PPP2R2B: variants seen among roughly 807,000 people sequenced by gnomAD.
The protein encoded by PPP2R2B is serine/threonine-protein phosphatase 2A 55 kDa regulatory subunit B beta isoform.
In PPP2R2B, 5 loss-of-function variants were observed where a neutral mutation model predicts 46.0. That is an observed-to-expected ratio of 0.11 (90% CI 0.06 to 0.23). The LOEUF (loss-of-function observed/expected upper bound fraction) is 0.23, where lower values mean the gene tolerates loss of function less well. Among genes scored for constraint, PPP2R2B ranks in the 10% least tolerant of loss-of-function variants. The pLI is 1.00. For missense variants in PPP2R2B, 367 were observed against 575.0 expected, an observed-to-expected ratio of 0.64 and a Z score of 3.70; for synonymous variants, 215 against 206.7, an observed-to-expected ratio of 1.04 and a Z score of -0.34.
chr5:146,652,832 G>T (rs1033814402), intron 5 of PPP2R2B, among the ~76,000 whole-genome samples: 8 of 152,114 alleles, frequency 5.3e-5, no homozygotes, highest in Admixed American at 5.2e-4. Flanking sequence ...CAATGATTGT[G>T]ATATAATCAA....
intron 7 of PPP2R2B, among the ~76,000 whole-genome samples, chr5:146,615,515 T>TAAAAAAAAAAAAAAAAAA (rs1364774106): frequency 7.3e-4 from 52 of 70,880 alleles, no homozygotes; most frequent in South Asian, 1.4e-3. Flanking sequence ...AAAAAAAAAT[T>TAAAAAAAAAAAAAAAAAA]AAAAAAAAAA....
chr5:147,063,076 G>A (rs1455064220), intron 2 of PPP2R2B, among the ~76,000 whole-genome samples: 2 of 138,630 alleles, frequency 1.4e-5, no homozygotes, highest in Admixed American at 7.0e-5. Flanking sequence ...AGAAGGGAAA[G>A]GAAGGGAAGG....
At chr5:146,606,121 T>C (rs1396773361) in intron 7 of PPP2R2B, among the ~76,000 whole-genome samples, 4 of 152,140 alleles carry the variant, frequency 2.6e-5, no homozygotes, top group South Asian at 4.2e-4. Context: ...TGAAACAGCA[T>C]TCATTACAAC....
intron 1 of PPP2R2B, among the ~76,000 whole-genome samples, chr5:146,932,801 G>T (rs1764010869): frequency 6.6e-6 from 1 of 152,072 alleles, no homozygotes; most frequent in South Asian, 2.1e-4. Context: ...GATAAACAAG[G>T]TCAAAGAGCA....
intron 1 of PPP2R2B, among the ~76,000 whole-genome samples, chr5:146,912,578 A>G (rs1763228835): frequency 6.7e-6 from 1 of 150,330 alleles, no homozygotes; most frequent in South Asian, 2.1e-4. Flanking sequence ...CAGTGGCACG[A>G]TCTCGGCTCA....
rs559498297 is a variant in PPP2R2B at position 146,706,457 on chromosome 5, G to T, written c.71-5315C>A. On this transcript the variant is annotated intron_variant, in intron 2 of 9. Coordinates refer to ENST00000394411, the MANE Select transcript of PPP2R2B (RefSeq NM_181675.4). ...CTCCATCTTCCAGCAGCTTCCTGTA[G>T]GTGGCGATCTCGATGTCCAGGGTCA... The T allele has an allele frequency of 1.8e-4, 197 of 1,101,498 alleles. 1 individual carries two copies. In the Middle Eastern group the frequency reaches 3.2e-3, roughly 18 times the overall value. The allele number at this position is 1,101,498 out of a possible 1,614,324, so 68.2% of individuals were successfully genotyped here. A position where few individuals can be genotyped will look rare whatever the true frequency, so the allele number is the denominator to read the frequency against.
intron 2 of PPP2R2B, among the ~76,000 whole-genome samples, chr5:146,750,296 T>C (rs1561877816): frequency 6.6e-6 from 1 of 152,248 alleles, no homozygotes; most frequent in African/African-American, 2.4e-5. Context: ...TGGTTTTCCA[T>C]ATACATTTTA....
chr5:146,877,423 G>A (rs1230542516), intron 2 of PPP2R2B, among the ~76,000 whole-genome samples: 1 of 152,140 alleles, frequency 6.6e-6, no homozygotes, highest in Admixed American at 6.5e-5. Context: ...TTCGCTGCCC[G>A]CCAGAGCACT....
chr5:147,020,074 C>A (rs1266747203), intron 1 of PPP2R2B, among the ~76,000 whole-genome samples: 1 of 152,174 alleles, frequency 6.6e-6, no homozygotes, highest in Non-Finnish European at 1.5e-5. Flanking sequence ...CCCAATCTTT[C>A]TTCGTCCACC....
rs201148779 is a variant in PPP2R2B, at chr5:146,735,577, GA to G, written c.71-34436del. On this transcript the variant is annotated intron_variant, in intron 2 of 9. Transcript: ENST00000394411. ...TTTTATATGATTAAATTGGATGGGGGAAAAAAAGAGTCTCACACTCAGGTAT... is the reference window on the plus strand; with the variant it reads ...TTTTATATGATTAAATTGGATGGGGGAAAAAAGAGTCTCACACTCAGGTAT... 6.0e-3 allele frequency among the ~76,000 whole-genome samples: 915 copies of G among 152,098 alleles called. 9 individuals carry two copies. Among genetic ancestry groups the G allele is most frequent in the African/African-American group, 0.02 (835 of 41,494 alleles).
chr5:146,647,585 C>CTA (rs1300523908), intron 6 of PPP2R2B, among the ~76,000 whole-genome samples: 1 of 152,192 alleles, frequency 6.6e-6, no homozygotes, highest in African/African-American at 2.4e-5. Flanking sequence ...GGCAGTCTGT[C>CTA]ACACATCTGC....
chr5:146,598,442 C>T (rs555275160), intron 8 of PPP2R2B, among the ~76,000 whole-genome samples: 38 of 152,276 alleles, frequency 2.5e-4, no homozygotes, highest in African/African-American at 8.4e-4. Flanking sequence ...CTCATCCAGT[C>T]CTATGGCTTT....
intron 2 of PPP2R2B, among the ~76,000 whole-genome samples, chr5:146,770,273 G>A (rs530916386): frequency 7.9e-6 from 1 of 126,460 alleles, no homozygotes; most frequent in East Asian, 2.7e-4. Context: ...GGAGGTTGCA[G>A]TAAGCCAAGA....
chr5:146,644,376 G>C (rs1312161305), intron 6 of PPP2R2B, among the ~76,000 whole-genome samples: 2 of 151,270 alleles, frequency 1.3e-5, no homozygotes, highest in Non-Finnish European at 2.9e-5. Flanking sequence ...CTAGCATTAA[G>C]TTAAAACTGT....
chr5:146,951,952 G>A (rs907243881), intron 1 of PPP2R2B, among the ~76,000 whole-genome samples: 4 of 150,322 alleles, frequency 2.7e-5, no homozygotes, highest in Non-Finnish European at 5.9e-5. Flanking sequence ...TTCCACAATG[G>A]TTGAACTAAT....
intron 1 of PPP2R2B, among the ~76,000 whole-genome samples, chr5:147,030,081 T>C (rs74913470): frequency 6.6e-6 from 1 of 152,220 alleles, no homozygotes; most frequent in Non-Finnish European, 1.5e-5. Flanking sequence ...GTATATCACC[T>C]AGGAAAGAAT....
chr5:146,689,163 T>C (rs1334559092), intron 5 of PPP2R2B, among the ~76,000 whole-genome samples: 1 of 152,174 alleles, frequency 6.6e-6, no homozygotes, highest in African/African-American at 2.4e-5. Context: ...ACTAACATCA[T>C]TGAGTGCTTT....
At chr5:146,793,759 C>T (rs949831113) in intron 2 of PPP2R2B, among the ~76,000 whole-genome samples, 15 of 152,042 alleles carry the variant, frequency 9.9e-5, no homozygotes, top group African/African-American at 2.7e-4. Context: ...TTAGAAATAA[C>T]GAGAATATAA....
intron 5 of PPP2R2B, among the ~76,000 whole-genome samples, chr5:146,654,696 A>G (rs1776206833): frequency 1.3e-5 from 2 of 152,182 alleles, no homozygotes; most frequent in South Asian, 4.1e-4. Flanking sequence ...TATGAAAGTG[A>G]GTAGCCAGGG....
Sources: allele counts gnomAD v4.1 joint callset (sites outside exome capture counted in the v4.1 genomes callset), GRCh38; gene constraint gnomAD v4.1.1; transcripts MANE v1.5; gene names NCBI Gene and HGNC (gene_info 2026-07-23, HGNC 2026-07-21).